The following GADL1 variants were observed in gnomAD, a reference collection of about 807,000 sequenced individuals.
GADL1 encodes the protein acidic amino acid decarboxylase GADL1.
In GADL1, 71 loss-of-function variants were observed where a neutral mutation model predicts 69.5. The ratio of observed to expected loss-of-function variants is 1.02; its 90% confidence interval spans 0.84 to 1.25. The LOEUF (loss-of-function observed/expected upper bound fraction) is 1.25. GADL1 is among the 50% of genes most tolerant of loss of function. The pLI, the probability that GADL1 is intolerant of heterozygous loss-of-function variation, is 0.00. For synonymous variants in GADL1, 254 were observed against 214.4 expected, an observed-to-expected ratio of 1.18 and a Z score of -1.62; for missense variants, 737 against 631.8, an observed-to-expected ratio of 1.17 and a Z score of -1.79.
chr3:30,878,373 G>A (rs548051944), intron 1 of GADL1, among the ~76,000 whole-genome samples: 2 of 152,020 alleles, frequency 1.3e-5, no homozygotes, highest in Non-Finnish European at 2.9e-5. Flanking sequence ...GTAGCTCAGG[G>A]AAGGAAGTGA....
chr3:30,871,141 C>A (rs1035068328), intron 1 of GADL1, among the ~76,000 whole-genome samples: 4 of 150,334 alleles, frequency 2.7e-5, no homozygotes, highest in Admixed American at 2.0e-4. Context: ...AGGGAAGGAG[C>A]TTTTGAGAAA....
intron 14 of GADL1, among the ~76,000 whole-genome samples, chr3:30,735,368 G>T (rs1254384691): frequency 6.6e-6 from 1 of 152,066 alleles, no homozygotes; most frequent in Non-Finnish European, 1.5e-5. Context: ...AATGTTTACA[G>T]CAACTTTATT....
At chr3:30,802,612 A>G (rs1270245759) in intron 11 of GADL1, among the ~76,000 whole-genome samples, 3 of 152,254 alleles carry the variant, frequency 2.0e-5, no homozygotes, top group African/African-American at 7.2e-5. Context: ...GGAAATCTCA[A>G]GATATCACAT....
At chr3:30,834,043 C>G in intron 10 of GADL1, 109 bp from the exon 11 acceptor site, 1 of 936,930 alleles carries the variant, frequency 1.1e-6, no homozygotes, top group Non-Finnish European at 1.7e-6. Context: ...ACATAGTTTA[C>G]TGTTCTATAG....
rs943666256 is a variant in GADL1 at position 30,833,838 on chromosome 3, A to C, written c.1050+15T>G. ...ACCCCCTTGAAGCCCAAAGGACCAC[A>C]AGAGGAAAACTTACAGATTTGTCTT... is the stretch of plus-strand genomic sequence containing the variant. On this transcript the variant is annotated intron_variant, in intron 11 of 14. Transcript: ENST00000282538. 51 of 1,600,386 alleles carry C rather than the reference A, an allele frequency of 3.2e-5. No homozygotes were observed. The highest frequency in any genetic ancestry group is 3.9e-5 in the Non-Finnish European group (46 of 1,168,192).
chr3:30,801,083 A>G lies in GADL1; in HGVS notation c.1056T>C (p.Leu352=). 14 of 1,602,716 alleles carry G rather than the reference A, an allele frequency of 8.7e-6. No individual in the cohort carries two copies. The highest frequency in any genetic ancestry group is 1.2e-5 in the Non-Finnish European group (14 of 1,173,430). The change falls in exon 12 of 15, where the codon CTT becomes CTC. Residue 352 remains leucine (L), a synonymous_variant. Coordinates refer to ENST00000282538, the MANE Select transcript of GADL1 (RefSeq NM_207359.3). ...CCTTGGCAGAGTAGCATTTTTTAAG[A>G]AGATCCTTCGAAAAAGAAAAGATTA... The part of the protein sequence containing the change: ...CALLVKDKSD[L]LKKCYSAKAS...
intron 14 of GADL1, among the ~76,000 whole-genome samples, 172 bp from the exon 15 acceptor site, chr3:30,728,587 C>G (rs1247719800): frequency 6.6e-6 from 1 of 152,132 alleles, no homozygotes; most frequent in Non-Finnish European, 1.5e-5. Flanking sequence ...CTCATGAGTA[C>G]TGATTCAAGT....
chr3:30,880,461 A>G (rs1003439015), intron 1 of GADL1, among the ~76,000 whole-genome samples: 2 of 151,710 alleles, frequency 1.3e-5, no homozygotes, highest in Non-Finnish European at 2.9e-5. Context: ...ATGAGATCTG[A>G]TGGTTTTTAT....
chr3:30,756,840 C>T (rs2125482233), intron 14 of GADL1, among the ~76,000 whole-genome samples: 1 of 152,290 alleles, frequency 6.6e-6, no homozygotes, highest in African/African-American at 2.4e-5. Context: ...CCAGTAGATC[C>T]ATCCAGATTC....
chr3:30,770,230 G>T (rs943152192), intron 14 of GADL1, among the ~76,000 whole-genome samples: 1 of 152,136 alleles, frequency 6.6e-6, no homozygotes, highest in Non-Finnish European at 1.5e-5. Context: ...TTTGCAACTC[G>T]ACTGAGTAAA....
At chr3:30,738,704 G>T (rs1203843142) in intron 14 of GADL1, among the ~76,000 whole-genome samples, 2 of 152,072 alleles carry the variant, frequency 1.3e-5, no homozygotes, top group African/African-American at 4.8e-5. Context: ...ATTGTGTCTG[G>T]CCATTTCAGC....
chr3:30,858,275 G>A (rs1044338614), intron 2 of GADL1, among the ~76,000 whole-genome samples: 1 of 152,010 alleles, frequency 6.6e-6, no homozygotes, highest in African/African-American at 2.4e-5. Context: ...TGGGCTTTAT[G>A]TGACATATTA....
At chr3:30,741,850 G>A (rs1260173130) in intron 14 of GADL1, among the ~76,000 whole-genome samples, 2 of 152,252 alleles carry the variant, frequency 1.3e-5, no homozygotes, top group East Asian at 1.9e-4. Flanking sequence ...AATCACCAGT[G>A]GGGTGCAGTG....
At chr3:30,845,797 G>A (rs567041584) in intron 6 of GADL1, among the ~76,000 whole-genome samples, 9 of 152,168 alleles carry the variant, frequency 5.9e-5, no homozygotes, top group African/African-American at 1.2e-4. Context: ...GACATAGCTC[G>A]GGTGAATTAT....
At chr3:30,857,388 G>T (rs1039877746) in intron 2 of GADL1, among the ~76,000 whole-genome samples, 1 of 152,012 alleles carries the variant, frequency 6.6e-6, no homozygotes, top group African/African-American at 2.4e-5. Context: ...TTGTTACATA[G>T]AATAAGAGTA....
rs147313448 is a variant in GADL1 at position 30,810,442 on chromosome 3, T to C, written c.1051-9354A>G. Reference sequence around the variant, plus strand: ...AGATATATATATAGAGAGAGAGATCTGTGTTTGTCTTCCACCTTTGGCCCT... The same window carrying C: ...AGATATATATATAGAGAGAGAGATCCGTGTTTGTCTTCCACCTTTGGCCCT... On this transcript the variant is annotated intron_variant, in intron 11 of 14. Transcript: ENST00000282538. Among the ~76,000 whole-genome samples the C allele has an allele frequency of 3.4e-3, 513 of 152,288 alleles. 2 individuals carry two copies. Among genetic ancestry groups the C allele is most frequent in the African/African-American group, 0.011 (476 of 41,560 alleles).
At chr3:30,887,466 C>T (rs551810492) in intron 1 of GADL1, among the ~76,000 whole-genome samples, 1 of 152,280 alleles carries the variant, frequency 6.6e-6, no homozygotes, top group Non-Finnish European at 1.5e-5. Flanking sequence ...TGCATTAGCA[C>T]TCTCAGCCCC....
At position 30,732,711 on chromosome 3, in the gene GADL1, T is replaced by G. The variant is rs115550554; in HGVS notation, c.1393-4296A>C. Among the ~76,000 whole-genome samples the G allele has an allele frequency of 7.8e-3, 1,189 of 152,314 alleles. 9 individuals carry two copies. Among genetic ancestry groups the G allele is most frequent in the African/African-American group, 0.027 (1,129 of 41,566 alleles). ...AATTTCCATAAAATGACATTTCTTT[T>G]TAAGAATTTGTTATATACTCAGTGT... On this transcript the variant is annotated intron_variant, in intron 14 of 14. Coordinates refer to ENST00000282538, the MANE Select transcript of GADL1 (RefSeq NM_207359.3).
At chr3:30,805,005 A>G (rs1697226829) in intron 11 of GADL1, among the ~76,000 whole-genome samples, 1 of 152,228 alleles carries the variant, frequency 6.6e-6, no homozygotes, top group South Asian at 2.1e-4. Flanking sequence ...TATACAGTAA[A>G]GAGAAGCCAA....
Sources: gnomAD v4.1 joint callset for allele counts (sites outside exome capture counted in the v4.1 genomes callset) on GRCh38, gnomAD v4.1.1 for gene constraint, MANE v1.5 for transcripts, NCBI Gene and HGNC (gene_info 2026-07-23, HGNC 2026-07-21) for gene names.